The following SLC2A13 variants were observed in gnomAD, a reference collection of about 807,000 sequenced individuals.
The protein encoded by SLC2A13 is proton myo-inositol cotransporter.
In SLC2A13, 32 loss-of-function variants were observed where a neutral mutation model predicts 64.4. That is an observed-to-expected ratio of 0.50 (90% CI 0.37 to 0.67). The LOEUF is 0.67. Ranked by LOEUF, SLC2A13 falls within the 30% of genes least tolerant of loss-of-function variation. SLC2A13 has a pLI of 0.00. For synonymous variants in SLC2A13, 338 were observed against 327.1 expected (o/e 1.03, Z -0.36); for missense variants, 743 against 829.2 (o/e 0.90, Z 1.28).
chr12:39,927,775 G>A (rs933256194), intron 4 of SLC2A13, among the ~76,000 whole-genome samples: 4 of 152,048 alleles, frequency 2.6e-5, no homozygotes, highest in Non-Finnish European at 4.4e-5. Context: ...AATTTGACAA[G>A]TTTATTAAGC....
intron 3 of SLC2A13, among the ~76,000 whole-genome samples, chr12:39,979,203 T>C (rs1946837304): frequency 8.4e-6 from 1 of 118,552 alleles, no homozygotes; most frequent in African/African-American, 3.3e-5. Context: ...CAAAAGTAGA[T>C]AAAACCACAC....
At position 40,017,056 on chromosome 12, in the gene SLC2A13, T is replaced by C. The variant is rs28370776; in HGVS notation, c.925+11245A>G. Among the ~76,000 whole-genome samples the C allele has an allele frequency of 9.4e-3, 1,432 of 152,276 alleles. 16 individuals carry two copies. The highest frequency in any genetic ancestry group is 0.032 in the African/African-American group (1,342 of 41,556). On this transcript the variant is annotated intron_variant, in intron 3 of 9. Transcript: ENST00000280871. ...CCAACCACACCTCCCCAGGGTCTCA[T>C]GATGACTAAGTAGGACAGAGGGAAG...
At chr12:39,998,575 TG>T (rs1947272295) in intron 3 of SLC2A13, among the ~76,000 whole-genome samples, 1 of 152,232 alleles carries the variant, frequency 6.6e-6, no homozygotes, top group Non-Finnish European at 1.5e-5. Flanking sequence ...GTAGCCCCTT[TG>T]TTTTGGCCAA....
intron 4 of SLC2A13, among the ~76,000 whole-genome samples, chr12:39,876,476 TCTG>T (rs1944186692): frequency 2.0e-5 from 3 of 152,246 alleles, no homozygotes; most frequent in Admixed American, 6.5e-5. Flanking sequence ...AAAATAATTG[TCTG>T]CTGGTTTATT....
At chr12:40,020,332 T>G (rs1302675362) in intron 3 of SLC2A13, among the ~76,000 whole-genome samples, 2 of 152,290 alleles carry the variant, frequency 1.3e-5, no homozygotes, top group East Asian at 3.9e-4. Context: ...GGCAGTTCCC[T>G]CAGGCTGTTC....
At chr12:40,073,409 A>G (rs1938040528) in intron 1 of SLC2A13, among the ~76,000 whole-genome samples, 1 of 152,184 alleles carries the variant, frequency 6.6e-6, no homozygotes, top group Non-Finnish European at 1.5e-5. Flanking sequence ...ACAAGCACAC[A>G]TAATCAAAGG....
chr12:39,891,248 G>A (rs1450216770), intron 4 of SLC2A13, among the ~76,000 whole-genome samples: 3 of 150,750 alleles, frequency 2.0e-5, no homozygotes, highest in Non-Finnish European at 2.9e-5. Flanking sequence ...CCTCTGCCCT[G>A]TGACTACCAT....
At chr12:39,906,790 T>G (rs1277020951) in intron 4 of SLC2A13, among the ~76,000 whole-genome samples, 1 of 152,160 alleles carries the variant, frequency 6.6e-6, no homozygotes, top group Admixed American at 6.6e-5. Flanking sequence ...TATTTTAAAT[T>G]GAACGTTGAT....
chr12:40,052,828 C>A (rs779227778), intron 1 of SLC2A13, among the ~76,000 whole-genome samples: 1 of 151,822 alleles, frequency 6.6e-6, no homozygotes, highest in African/African-American at 2.4e-5. Flanking sequence ...CAATGGCATA[C>A]GAGAAGAATG....
At chr12:39,781,176 T>C (rs537421747) in intron 7 of SLC2A13, among the ~76,000 whole-genome samples, 1 of 152,352 alleles carries the variant, frequency 6.6e-6, no homozygotes, top group Admixed American at 6.5e-5. Flanking sequence ...ACTGTAAAAC[T>C]GAGAAAATCT....
chr12:39,812,996 ATTTTTTTTTTT>A (rs71449493), intron 7 of SLC2A13, among the ~76,000 whole-genome samples: 12 of 40,616 alleles, frequency 3.0e-4, no homozygotes, highest in South Asian at 1.9e-3. Context: ...TGCCCAGCTA[ATTTTTTTTTTT>A]TTTTTTTTTT....
chr12:39,846,669 C>A (rs1338916332), intron 6 of SLC2A13, among the ~76,000 whole-genome samples: 1 of 152,104 alleles, frequency 6.6e-6, no homozygotes, highest in South Asian at 2.1e-4. Flanking sequence ...CCAGGCTGCT[C>A]TTGAACTCCT....
chr12:39,864,349 A>T (rs528875678), intron 6 of SLC2A13, among the ~76,000 whole-genome samples: 1 of 152,312 alleles, frequency 6.6e-6, no homozygotes, highest in East Asian at 1.9e-4. Flanking sequence ...AAATCAGTCC[A>T]AATTGTCAGA....
Position 39,985,667 on chromosome 12 carries a change from A to C in SLC2A13, c.926-34302T>G, listed in dbSNP as rs532402051. On this transcript the variant is annotated intron_variant, in intron 3 of 9. Transcript: ENST00000280871. ...GACACATCTAAAGCTTGAATGCTAAAATGAAATGTTTACAAAATCCAGCAG... is the reference window on the plus strand; with the variant it reads ...GACACATCTAAAGCTTGAATGCTAACATGAAATGTTTACAAAATCCAGCAG... Among the ~76,000 whole-genome samples the C allele has an allele frequency of 3.3e-5, 5 of 152,242 alleles. No homozygotes were observed. In the East Asian group the frequency reaches 9.7e-4, roughly 29 times the overall value.
At chr12:39,847,306 T>C (rs1409505110) in intron 6 of SLC2A13, among the ~76,000 whole-genome samples, 1 of 152,024 alleles carries the variant, frequency 6.6e-6, no homozygotes, top group Non-Finnish European at 1.5e-5. Flanking sequence ...TCCCTCCTCC[T>C]TTTTAAGAGA....
At chr12:40,070,567 TAAG>T (rs745736201) in intron 1 of SLC2A13, among the ~76,000 whole-genome samples, 3 of 152,016 alleles carry the variant, frequency 2.0e-5, no homozygotes, top group Non-Finnish European at 4.4e-5. Flanking sequence ...ATCAACTCAA[TAAG>T]AACTGAAAAG....
At chr12:39,941,652 G>T (rs981392995) in intron 4 of SLC2A13, among the ~76,000 whole-genome samples, 21 of 152,106 alleles carry the variant, frequency 1.4e-4, no homozygotes, top group Admixed American at 4.6e-4. Flanking sequence ...AGTTCATTGT[G>T]GATTCTGGAT....
At chr12:40,076,370 C>G (rs1467109333) in intron 1 of SLC2A13, among the ~76,000 whole-genome samples, 2 of 152,122 alleles carry the variant, frequency 1.3e-5, no homozygotes, top group East Asian at 3.9e-4. Flanking sequence ...TCCATGAGTA[C>G]TCAGTGTTTA....
At chr12:40,058,735 T>C (rs1948372605) in intron 1 of SLC2A13, among the ~76,000 whole-genome samples, 1 of 152,222 alleles carries the variant, frequency 6.6e-6, no homozygotes, top group Non-Finnish European at 1.5e-5. Context: ...AACTTTTTCC[T>C]GTAGGGCTGA....
Sources: gnomAD v4.1 joint callset for allele counts (sites outside exome capture counted in the v4.1 genomes callset) on GRCh38, gnomAD v4.1.1 for gene constraint, MANE v1.5 for transcripts, NCBI Gene and HGNC (gene_info 2026-07-23, HGNC 2026-07-21) for gene names.